COL4A1: variants seen among roughly 807,000 people sequenced by gnomAD.
COL4A1 encodes the protein collagen type IV alpha 1 chain.
In COL4A1, 40 loss-of-function variants were observed where a neutral mutation model predicts 216.6. The observed-to-expected ratio is 0.18, with a 90% CI of 0.14 to 0.24. The LOEUF is 0.24. Ranked by LOEUF, COL4A1 falls within the 10% of genes least tolerant of loss-of-function variation. COL4A1 has a pLI of 1.00. For synonymous variants in COL4A1, 839 were observed against 810.7 expected, an observed-to-expected ratio of 1.03 and a Z score of -0.59; for missense variants, 1,628 against 2,196.8, an observed-to-expected ratio of 0.74 and a Z score of 5.18.
At chr13:110,275,363 A>G (rs761891399) in intron 1 of COL4A1, among the ~76,000 whole-genome samples, 5 of 152,210 alleles carry the variant, frequency 3.3e-5, no homozygotes, top group Non-Finnish European at 4.4e-5. Flanking sequence ...ATACCAGTAC[A>G]CACCTATTAA....
At chr13:110,200,440 G>A (rs895367703) in intron 20 of COL4A1, among the ~76,000 whole-genome samples, 1 of 152,220 alleles carries the variant, frequency 6.6e-6, no homozygotes, top group Non-Finnish European at 1.5e-5. Context: ...CTCCAGCTGG[G>A]AAACATCCCA....
chr13:110,293,057 T>C (rs1160702403), intron 1 of COL4A1, among the ~76,000 whole-genome samples: 1 of 152,206 alleles, frequency 6.6e-6, no homozygotes, highest in Non-Finnish European at 1.5e-5. Flanking sequence ...CCCCTAAAAG[T>C]GCAGTCACTC....
intron 45 of COL4A1, among the ~76,000 whole-genome samples, chr13:110,165,316 C>T (rs567947629): frequency 6.6e-6 from 1 of 152,210 alleles, no homozygotes; most frequent in Admixed American, 6.5e-5. Context: ...TTGTTCTTCC[C>T]AAGCAGCCCC....
intron 37 of COL4A1, 105 bp downstream of exon 37, chr13:110,175,113 G>A (rs916458148): frequency 1.4e-6 from 2 of 1,413,414 alleles, no homozygotes; most frequent in Non-Finnish European, 2.0e-6. Context: ...GACTCCCTGT[G>A]TGTTATGGCT....
chr13:110,272,924 G>C (rs953426409), intron 1 of COL4A1, among the ~76,000 whole-genome samples: 1 of 152,172 alleles, frequency 6.6e-6, no homozygotes, highest in Non-Finnish European at 1.5e-5. Flanking sequence ...CCCAGGCATC[G>C]CTCCTCTGTG....
Position 110,192,283 on chromosome 13 carries a change from AC to A in COL4A1, c.1466del (p.Gly489ValfsTer32). 6.2e-7 allele frequency: 1 copy of A among 1,614,124 alleles called. No individual in the cohort carries two copies. ...CCTTGGCCCCTGGCTGCCCTGGGAAACCTTTCGTGAGAGAGAGGGAAAAAGA... is the reference window on the plus strand; with the variant it reads ...CCTTGGCCCCTGGCTGCCCTGGGAAACTTTCGTGAGAGAGAGGGAAAAAGA... ...PGPQGPPGEI[G>X]FPGQPGAKGD... On this transcript the variant is annotated frameshift_variant and splice_region_variant, in exon 24 of 52. Coordinates refer to ENST00000375820, the MANE Select transcript of COL4A1 (RefSeq NM_001845.6). LOFTEE classifies it high-confidence loss of function.
intron 2 of COL4A1, among the ~76,000 whole-genome samples, chr13:110,216,919 C>T (rs1016209810): frequency 6.6e-6 from 1 of 152,204 alleles, no homozygotes; most frequent in Non-Finnish European, 1.5e-5. Context: ...TCCAAATTCC[C>T]AGACCTTGCT....
In COL4A1 at chr13:110,149,662, G is replaced by C. The variant is rs1014587332; in HGVS notation, c.*701C>G. On this transcript the variant is annotated 3_prime_UTR_variant, in exon 52 of 52. Transcript: ENST00000375820. The stretch of plus-strand genomic sequence containing the variant: ...CTATGTAAGCTTTATTTTAACAGTG[G>C]AAGTTAAACTAAACCTTGATCTGCC... 4 of 152,434 alleles carry C rather than the reference G, an allele frequency of 2.6e-5. No homozygotes were observed. Among genetic ancestry groups the C allele is most frequent in the African/African-American group, 9.7e-5 (4 of 41,396 alleles). 9.4% of individuals were successfully genotyped at this position (152,434 alleles called of 1,614,324 possible). A position where few individuals can be genotyped will look rare whatever the true frequency, so the allele number is the denominator to read the frequency against.
chr13:110,160,020 C>T (rs183006138), intron 49 of COL4A1, among the ~76,000 whole-genome samples: 25 of 152,190 alleles, frequency 1.6e-4, no homozygotes, highest in African/African-American at 5.1e-4. Context: ...GTTCAGGAGA[C>T]GGATGGCGGT....
At chr13:110,262,163 C>T (rs1452160911) in intron 1 of COL4A1, among the ~76,000 whole-genome samples, 1 of 152,160 alleles carries the variant, frequency 6.6e-6, no homozygotes, top group Non-Finnish European at 1.5e-5. Context: ...GAAACAGATT[C>T]CTGCTTAACG....
rs1436113098 is a variant in COL4A1 at position 110,209,396 on chromosome 13, T to C, written c.647A>G (p.Glu216Gly). 1 of 1,612,308 alleles carries C rather than the reference T, an allele frequency of 6.2e-7. No individual in the cohort carries two copies. Among genetic ancestry groups the C allele is most frequent in the African/African-American group, 1.3e-5 (1 of 74,838 alleles). ...AAAAATGAAAAGAACTTTTACCTTT[T>C]CACCTGGAGGGCCGGGAGGGCCTGG... ...GPPGPPGPPG[E>G]KGQMGLSFQG... Residue 216 changes from glutamate to glycine, a missense_variant, in exon 11 of 52, where the codon GAA (glutamate) becomes GGA (glycine). By Grantham distance (98) the Glu-to-Gly change is moderately conservative. Around this residue, in one of 8 missense-constraint regions of COL4A1, gnomAD observed 23 missense variants for 66.0 expected, o/e 0.35. Transcript: ENST00000375820.
At chr13:110,222,771 T>TAA (rs751501177) in intron 2 of COL4A1, among the ~76,000 whole-genome samples, 15,832 of 92,760 alleles carry the variant, frequency 0.17, 3,661 homozygotes, top group East Asian at 0.26. Flanking sequence ...AGACTCTGCT[T>TAA]TAAAAAAAAA....
At chr13:110,282,507 C>G (rs1472917666) in intron 1 of COL4A1, among the ~76,000 whole-genome samples, 1 of 152,212 alleles carries the variant, frequency 6.6e-6, no homozygotes, top group East Asian at 1.9e-4. Context: ...AATGCACATC[C>G]TTTAGATTAG....
intron 2 of COL4A1, among the ~76,000 whole-genome samples, chr13:110,230,813 C>A (rs1881014756): frequency 6.6e-6 from 1 of 152,226 alleles, no homozygotes; most frequent in Admixed American, 6.5e-5. Context: ...GCAGGTTCCA[C>A]GTGCAGAGGC....
intron 2 of COL4A1, among the ~76,000 whole-genome samples, chr13:110,226,094 A>G (rs1455529788): frequency 1.3e-5 from 2 of 152,224 alleles, no homozygotes; most frequent in African/African-American, 4.8e-5. Context: ...GAATGTTTTA[A>G]AAGAGAATGA....
intron 2 of COL4A1, among the ~76,000 whole-genome samples, chr13:110,228,536 TG>T (rs1019929839): frequency 2.1e-5 from 3 of 145,502 alleles, no homozygotes; most frequent in South Asian, 2.2e-4. Context: ...GCCTCCAGGC[TG>T]GGGGACTCTT....
At chr13:110,291,574 C>T (rs1411040) in intron 1 of COL4A1, among the ~76,000 whole-genome samples, 128,061 of 152,196 alleles carry the variant, frequency 0.84, 53,911 homozygotes, top group East Asian at 0.93. Context: ...TGTCAGTTTC[C>T]TTATCACCCA....
intron 49 of COL4A1, among the ~76,000 whole-genome samples, chr13:110,156,357 T>C (rs560080851): frequency 6.6e-6 from 1 of 152,244 alleles, no homozygotes; most frequent in Non-Finnish European, 1.5e-5. Flanking sequence ...GTATAAGAAA[T>C]GCACTTAGTG....
intron 1 of COL4A1, among the ~76,000 whole-genome samples, chr13:110,258,140 T>G (rs1421392106): frequency 1.3e-5 from 2 of 152,250 alleles, no homozygotes; most frequent in Non-Finnish European, 2.9e-5. Flanking sequence ...GTATTAAGCA[T>G]GTTAACATCC....
Sources: gnomAD v4.1 joint callset for allele counts (sites outside exome capture counted in the v4.1 genomes callset) on GRCh38, gnomAD v4.1.1 for gene constraint, gnomAD v4.1.1 regional missense constraint, MANE v1.5 for transcripts, NCBI Gene and HGNC (gene_info 2026-07-23, HGNC 2026-07-21) for gene names.